VAC14: variants seen among roughly 807,000 people sequenced by gnomAD.
VAC14 encodes the protein VAC14 component of PIKFYVE complex.
VAC14 carries 47 observed loss-of-function variants against 85.3 expected under a neutral mutation model. The ratio of observed to expected loss-of-function variants is 0.55; its 90% CI spans 0.44 to 0.70. The LOEUF (loss-of-function observed/expected upper bound fraction) is 0.70, where lower values mean the gene tolerates loss of function less well. Ranked by LOEUF, VAC14 falls within the 30% of genes least tolerant of loss-of-function variation. The pLI is 0.00. For missense variants in VAC14, 861 were observed against 1,004.3 expected (o/e 0.86, Z 1.93); for synonymous variants, 447 against 430.5 (o/e 1.04, Z -0.47).
At chr16:70,761,778 G>A (rs2032406221) in intron 12 of VAC14, among the ~76,000 whole-genome samples, 1 of 152,172 alleles carries the variant, frequency 6.6e-6, no homozygotes, top group Admixed American at 6.5e-5. Flanking sequence ...AAAGCTTAAG[G>A]GTCCAATTTC....
chr16:70,746,098 C>T (rs1216389465), intron 12 of VAC14, among the ~76,000 whole-genome samples: 1 of 152,188 alleles, frequency 6.6e-6, no homozygotes, highest in Non-Finnish European at 1.5e-5. Context: ...CCCTCAAAAG[C>T]CATTCCTGTC....
intron 14 of VAC14, among the ~76,000 whole-genome samples, chr16:70,720,310 G>C (rs1490339365): frequency 6.6e-6 from 1 of 152,162 alleles, no homozygotes; most frequent in Non-Finnish European, 1.5e-5. Flanking sequence ...CATGATTTGT[G>C]CACTTTCAAA....
intron 10 of VAC14, chr16:70,766,482 C>T (rs2032824156): frequency 4.4e-6 from 2 of 456,680 alleles, no homozygotes; most frequent in Non-Finnish European, 4.4e-6. Context: ...TATAGGGCAT[C>T]TTCAGGCTGC....
intron 10 of VAC14, among the ~76,000 whole-genome samples, chr16:70,765,582 T>C (rs2032744920): frequency 2.0e-5 from 3 of 152,258 alleles, no homozygotes; most frequent in East Asian, 1.9e-4. Context: ...TGGCCAAGAT[T>C]ACACGGCCAG....
chr16:70,696,107 C>G (rs1214759528), intron 16 of VAC14, among the ~76,000 whole-genome samples: 1 of 152,240 alleles, frequency 6.6e-6, no homozygotes, highest in Non-Finnish European at 1.5e-5. Context: ...CTCCTGGTCC[C>G]TTCTTCCTTA....
At chr16:70,720,035 CAG>C (rs1204716150) in intron 14 of VAC14, among the ~76,000 whole-genome samples, 1 of 152,312 alleles carries the variant, frequency 6.6e-6, no homozygotes, top group East Asian at 1.9e-4. Flanking sequence ...ACATCCAACA[CAG>C]ACGAATCTCA....
At chr16:70,744,299 C>T in intron 13 of VAC14, 124 bp downstream of exon 13, 2 of 1,361,908 alleles carry the variant, frequency 1.5e-6, no homozygotes, top group Non-Finnish European at 2.0e-6. Context: ...ACCCACAGAC[C>T]CCTCACACCC....
At chr16:70,707,549 G>A (rs2053944474) in intron 14 of VAC14, among the ~76,000 whole-genome samples, 1 of 152,076 alleles carries the variant, frequency 6.6e-6, no homozygotes. Context: ...TCCATAGAAG[G>A]TCTCATCTGG....
chr16:70,720,176 G>A (rs891856628), intron 14 of VAC14, among the ~76,000 whole-genome samples: 3 of 152,142 alleles, frequency 2.0e-5, no homozygotes, highest in East Asian at 1.9e-4. Context: ...TGAGGGAGGC[G>A]GGGAGGGGCT....
At chr16:70,797,222 T>A (rs991423077) in intron 1 of VAC14, among the ~76,000 whole-genome samples, 1 of 152,230 alleles carries the variant, frequency 6.6e-6, no homozygotes, top group Non-Finnish European at 1.5e-5. Flanking sequence ...CCAGCATTCC[T>A]TGGCTGGTGG....
intron 9 of VAC14, among the ~76,000 whole-genome samples, chr16:70,779,922 CCTCCTGGG>C (rs1188058510): frequency 6.6e-6 from 1 of 152,098 alleles, no homozygotes; most frequent in Admixed American, 6.5e-5. Flanking sequence ...GCAACTTCTG[CCTCCTGGG>C]CTCCTGGGCT....
At chr16:70,696,993 G>T in intron 16 of VAC14, 146 bp downstream of exon 16, 1 of 648,098 alleles carries the variant, frequency 1.5e-6, no homozygotes, top group Non-Finnish European at 2.8e-6. Context: ...TGTCCTGGCA[G>T]CCCTGATGTC....
intron 10 of VAC14, chr16:70,766,601 A>G (rs1397058549): frequency 2.2e-6 from 1 of 453,078 alleles, no homozygotes; most frequent in Non-Finnish European, 4.4e-6. Flanking sequence ...CCAGGTCCAG[A>G]GGCAGTACGG....
At chr16:70,752,454 C>G (rs2031462259) in intron 12 of VAC14, among the ~76,000 whole-genome samples, 1 of 152,236 alleles carries the variant, frequency 6.6e-6, no homozygotes, top group South Asian at 2.1e-4. Flanking sequence ...TCACTTGCAC[C>G]ATCCTGGGCC....
Position 70,731,589 on chromosome 16 carries a change from T to C in VAC14, c.1567A>G (p.Met523Val), listed in dbSNP as rs766949500. 7 of 1,614,100 alleles carry C rather than the reference T, an allele frequency of 4.3e-6. No homozygotes were observed. In the Admixed American group the frequency reaches 5.0e-5, roughly 12 times the overall value. The change falls in exon 14 of 19, where the codon ATG becomes GTG. Residue 523 changes from methionine (M) to valine (V), a missense_variant. By Grantham distance (21) the Met-to-Val change is conservative (BLOSUM62 1). This residue lies in a region of VAC14 where 629 missense variants were observed against 703.1 expected (regional missense o/e 0.89). Coordinates refer to ENST00000261776, the MANE Select transcript of VAC14 (RefSeq NM_018052.5). ...ATGAACTTATAAAAGTAAGAATTCATGGTGGGAGTTGAAGGAGAACATTCT... is the reference window on the plus strand; with the variant it reads ...ATGAACTTATAAAAGTAAGAATTCACGGTGGGAGTTGAAGGAGAACATTCT... Reference protein sequence around the residue: ...GLECSPSTPTMNSYFYKFMIN... With the variant: ...GLECSPSTPTVNSYFYKFMIN...
intron 13 of VAC14, among the ~76,000 whole-genome samples, chr16:70,743,919 G>T (rs919881099): frequency 6.6e-6 from 1 of 152,166 alleles, no homozygotes; most frequent in African/African-American, 2.4e-5. Context: ...GGCGAGTGCT[G>T]GGGGTGCTAC....
At chr16:70,785,661 A>G (rs904290757) in intron 3 of VAC14, 41 bp downstream of exon 3, 16 of 1,521,110 alleles carry the variant, frequency 1.1e-5, no homozygotes, top group Middle Eastern at 2.3e-4. Context: ...AGGTGGGGGA[A>G]CCAAGCGCAG....
At chr16:70,694,979 A>AT (rs2053676312) in intron 17 of VAC14, among the ~76,000 whole-genome samples, 1 of 152,180 alleles carries the variant, frequency 6.6e-6, no homozygotes, top group African/African-American at 2.4e-5. Flanking sequence ...ATCAGCCTTC[A>AT]AGGGGGTTCT....
At chr16:70,777,271 A>G (rs2033568511) in intron 9 of VAC14, among the ~76,000 whole-genome samples, 1 of 152,218 alleles carries the variant, frequency 6.6e-6, no homozygotes. Context: ...ACAACACTGA[A>G]GCACCCGTTA....
Sources: allele counts gnomAD v4.1 joint callset (sites outside exome capture counted in the v4.1 genomes callset), GRCh38; gene constraint gnomAD v4.1.1; regional missense constraint gnomAD v4.1.1; transcripts MANE v1.5; gene names NCBI Gene and HGNC (gene_info 2026-07-23, HGNC 2026-07-21).